Variants in GADL1 observed in about 807,000 individuals in gnomAD.
GADL1 encodes acidic amino acid decarboxylase GADL1.
In GADL1, 71 loss-of-function variants were observed where a neutral mutation model predicts 69.5. The observed-to-expected ratio is 1.02, with a 90% CI of 0.84 to 1.25. GADL1 has a LOEUF of 1.25. Ranked by LOEUF, GADL1 falls within the 50% of genes most tolerant of loss-of-function variation. GADL1 has a pLI of 0.00. For missense variants in GADL1, 737 were observed against 631.8 expected, an observed-to-expected ratio of 1.17 and a Z score of -1.79; for synonymous variants, 254 against 214.4, an observed-to-expected ratio of 1.18 and a Z score of -1.62.
At chr3:30,865,196 T>TG (rs1698381943) in intron 1 of GADL1, among the ~76,000 whole-genome samples, 1 of 151,908 alleles carries the variant, frequency 6.6e-6, no homozygotes, top group African/African-American at 2.4e-5. Context: ...CTACCTCATA[T>TG]GAAGCTGCAA....
intron 14 of GADL1, among the ~76,000 whole-genome samples, chr3:30,761,855 G>C (rs1433372675): frequency 6.6e-6 from 1 of 152,084 alleles, no homozygotes; most frequent in Non-Finnish European, 1.5e-5. Flanking sequence ...TGGCAATCTT[G>C]AAACAGCACA....
At chr3:30,788,556 A>G (rs1190415042) in intron 12 of GADL1, among the ~76,000 whole-genome samples, 1 of 152,186 alleles carries the variant, frequency 6.6e-6, no homozygotes, top group Non-Finnish European at 1.5e-5. Flanking sequence ...TCTTACAATA[A>G]GGCAACAATG....
chr3:30,803,000 G>A (rs967743957), intron 11 of GADL1, among the ~76,000 whole-genome samples: 7 of 152,188 alleles, frequency 4.6e-5, no homozygotes, highest in African/African-American at 1.2e-4. Flanking sequence ...CCTGAAGTGG[G>A]AAGATCACTT....
In GADL1 at chr3:30,786,502, G is replaced by T. The variant is rs1307530954; in HGVS notation, c.1251-96C>A. ...AAAACTGATTCAGACAGGGCTTGGAGATAAGAAAGATACAGATAAAGGTCA... is the reference window on the plus strand; with the variant it reads ...AAAACTGATTCAGACAGGGCTTGGATATAAGAAAGATACAGATAAAGGTCA... On this transcript the variant is annotated intron_variant, in intron 12 of 14. Transcript: ENST00000282538. 8 of 706,128 alleles carry T rather than the reference G, an allele frequency of 1.1e-5. No individual in the cohort carries two copies. In the East Asian group the frequency reaches 2.1e-4, roughly 19 times the overall value. The allele number at this position is 706,128 out of a possible 1,614,324, so 43.7% of individuals were successfully genotyped here.
chr3:30,729,728 T>G (rs1695426463), intron 14 of GADL1, among the ~76,000 whole-genome samples: 1 of 152,246 alleles, frequency 6.6e-6, no homozygotes, highest in Non-Finnish European at 1.5e-5. Context: ...AGATATTATG[T>G]GTTGAACTTA....
chr3:30,763,841 A>G (rs1696200970), intron 14 of GADL1, among the ~76,000 whole-genome samples: 1 of 152,174 alleles, frequency 6.6e-6, no homozygotes, highest in Non-Finnish European at 1.5e-5. Context: ...TTGACCAGAA[A>G]ATTCTAAATG....
rs117565740 is a variant in GADL1 at position 30,756,215 on chromosome 3, T to C, written c.1392+21964A>G. Reference sequence around the variant, plus strand: ...TTTTTATGGACCATGACAATGAACATGGAGCTTGGTAACAAGAGAAACGTA... The same window carrying C: ...TTTTTATGGACCATGACAATGAACACGGAGCTTGGTAACAAGAGAAACGTA... On this transcript the variant is annotated intron_variant, in intron 14 of 14. Transcript: ENST00000282538. 8.9e-3 allele frequency among the ~76,000 whole-genome samples: 1,354 copies of C among 152,298 alleles called. 65 individuals carry two copies. In the East Asian group the frequency reaches 0.14, roughly 15 times the overall value.
At chr3:30,801,455 A>G (rs971028771) in intron 11 of GADL1, among the ~76,000 whole-genome samples, 1 of 152,118 alleles carries the variant, frequency 6.6e-6, no homozygotes, top group Non-Finnish European at 1.5e-5. Context: ...AAACTGACAT[A>G]TTTACATATG....
intron 9 of GADL1, 98 bp from the exon 10 acceptor site, chr3:30,834,379 C>CA: frequency 2.2e-6 from 2 of 917,378 alleles, no homozygotes; most frequent in Non-Finnish European, 3.5e-6. Flanking sequence ...CCTCAATCTG[C>CA]ATTATTTGAT....
chr3:30,771,437 T>C (rs961578607), intron 14 of GADL1, among the ~76,000 whole-genome samples: 8 of 152,182 alleles, frequency 5.3e-5, no homozygotes, highest in Non-Finnish European at 7.4e-5. Flanking sequence ...TTCAGGACAT[T>C]CATTAGTTAA....
chr3:30,820,004 G>A (rs995164671), intron 11 of GADL1, among the ~76,000 whole-genome samples: 2 of 151,822 alleles, frequency 1.3e-5, no homozygotes, highest in East Asian at 3.9e-4. Context: ...GCCTGTTATT[G>A]AAATTATTTT....
In GADL1 at chr3:30,894,656, C is replaced by T; in HGVS notation, c.-42G>A. 1 of 1,542,974 alleles carries T rather than the reference C, an allele frequency of 6.5e-7. No homozygotes were observed. Among genetic ancestry groups the T allele is most frequent in the South Asian group, 1.2e-5 (1 of 83,668 alleles). ...CAGGCTGCCCCGGGCGCGGCTCCCG[C>T]AGTCTGGGCGGCGACGGTGGTTGCC... On this transcript the variant is annotated 5_prime_UTR_variant, in exon 1 of 15. Coordinates refer to ENST00000282538, the MANE Select transcript of GADL1 (RefSeq NM_207359.3).
At chr3:30,808,009 G>C (rs1052109039) in intron 11 of GADL1, among the ~76,000 whole-genome samples, 3 of 152,090 alleles carry the variant, frequency 2.0e-5, no homozygotes, top group Non-Finnish European at 2.9e-5. Flanking sequence ...TCCAGCCTGG[G>C]CAACAGAGAG....
intron 1 of GADL1, among the ~76,000 whole-genome samples, chr3:30,890,614 CT>C (rs1698774031): frequency 6.6e-6 from 1 of 152,156 alleles, no homozygotes; most frequent in East Asian, 1.9e-4. Context: ...ACTACTCATT[CT>C]TTCCTAAAAC....
At chr3:30,770,019 T>C (rs540401803) in intron 14 of GADL1, among the ~76,000 whole-genome samples, 1 of 152,368 alleles carries the variant, frequency 6.6e-6, no homozygotes, top group South Asian at 2.1e-4. Context: ...CTGTGTATTA[T>C]CTAGCTTCTC....
chr3:30,858,374 T>C (rs537736384), intron 2 of GADL1, among the ~76,000 whole-genome samples: 2 of 152,182 alleles, frequency 1.3e-5, no homozygotes, highest in East Asian at 1.9e-4. Context: ...GCAATAGCTT[T>C]AGTTGTTATG....
chr3:30,809,788 A>T (rs1299433854), intron 11 of GADL1, among the ~76,000 whole-genome samples: 2 of 152,232 alleles, frequency 1.3e-5, no homozygotes, highest in East Asian at 3.8e-4. Context: ...GTATATATTA[A>T]CAAAAAGTGA....
intron 11 of GADL1, among the ~76,000 whole-genome samples, chr3:30,822,975 C>T (rs1353350131): frequency 6.6e-6 from 1 of 151,886 alleles, no homozygotes; most frequent in Non-Finnish European, 1.5e-5. Context: ...CAGTATTGAA[C>T]AGCTGCTAAT....
intron 14 of GADL1, among the ~76,000 whole-genome samples, chr3:30,763,625 CTA>C (rs1696195737): frequency 6.6e-6 from 1 of 152,154 alleles, no homozygotes; most frequent in Non-Finnish European, 1.5e-5. Flanking sequence ...TTTTGCCCAA[CTA>C]TAGTCTAAGA....
Sources: gnomAD v4.1 joint callset for allele counts (sites outside exome capture counted in the v4.1 genomes callset) on GRCh38, gnomAD v4.1.1 for gene constraint, MANE v1.5 for transcripts, NCBI Gene and HGNC (gene_info 2026-07-23, HGNC 2026-07-21) for gene names.